MYO10: variants seen among roughly 807,000 people sequenced by gnomAD.
The protein encoded by MYO10 is myosin X.
MYO10 carries 133 observed loss-of-function variants against 257.3 expected under a neutral mutation model. That is an observed-to-expected ratio of 0.52 (90% CI 0.45 to 0.60). The LOEUF is 0.60. MYO10 is among the 20% of genes least tolerant of loss of function. The probability of loss-of-function intolerance (pLI) is 0.00; values close to 1 mark genes in which losing one functional copy is unlikely to be tolerated. For missense variants in MYO10, 2,399 were observed against 2,635.7 expected (o/e 0.91, Z 1.97); for synonymous variants, 1,104 against 1,028.6 (o/e 1.07, Z -1.40).
At chr5:16,735,816 T>C (rs1234388528) in intron 19 of MYO10, among the ~76,000 whole-genome samples, 1 of 152,160 alleles carries the variant, frequency 6.6e-6, no homozygotes, top group Non-Finnish European at 1.5e-5. Context: ...TCATGAACTA[T>C]GATCTGAGGC....
rs1435941725 is a variant in MYO10 at position 16,758,130 on chromosome 5, G to A, written c.1836C>T (p.Ser612=). Residue 612 remains serine, a synonymous_variant, in exon 18 of 41, where the codon AGC becomes AGT. Transcript: ENST00000513610. The part of the protein sequence containing the change: ...CGSKHRRPTV[S]SQFKDSLHSL... The stretch of plus-strand genomic sequence containing the variant: ...AGTGAAAACGAACCTTGAACTGTGA[G>A]CTGACTGTAGGCCGCCGATGTTTGC... 5 of 1,609,266 alleles carry A rather than the reference G, an allele frequency of 3.1e-6. No homozygotes were observed. The Admixed American group carries it at 8.3e-5, about 27-fold the overall frequency.
intron 19 of MYO10, chr5:16,738,386 C>T: frequency 2.0e-6 from 2 of 985,396 alleles, no homozygotes; most frequent in Non-Finnish European, 2.4e-6. Context: ...GTAGCAAGTG[C>T]AGCCTTGATT....
chr5:16,769,215 T>C lies in MYO10; in HGVS notation c.931-12A>G, dbSNP rs116101773. On this transcript the variant is annotated splice_polypyrimidine_tract_variant and intron_variant, in intron 9 of 40. Transcript: ENST00000513610. ...ACGTCCATTGCCGTCTAGAAGAAAA[T>C]AAATGTATTTAATTTTATGTCGTTT... 1.2e-3 allele frequency: 1,904 copies of C among 1,581,156 alleles called. 27 individuals carry two copies. The African/African-American group carries it at 0.023, about 19-fold the overall frequency.
chr5:16,769,108 G>A lies in MYO10; in HGVS notation c.1026C>T (p.Ile342=), dbSNP rs745750225. ...AGGAAACCTGTGCCCCACCAGCAGT[G>A]ATAAATTCTATGTTCCCAAGATGCA... The part of the protein sequence containing the change: ...GILHLGNIEF[I]TAGGAQVSFK... Residue 342 remains isoleucine (I), a synonymous_variant, in exon 10 of 41, where the codon ATC becomes ATT. Transcript: ENST00000513610. 1 of 1,612,000 alleles carries A rather than the reference G, an allele frequency of 6.2e-7. No homozygotes were observed. Among genetic ancestry groups the A allele is most frequent in the Non-Finnish European group, 8.5e-7 (1 of 1,179,216 alleles).
intron 14 of MYO10, 63 bp from the exon 15 acceptor site, chr5:16,762,700 A>G: frequency 8.0e-7 from 1 of 1,251,154 alleles, no homozygotes; most frequent in Non-Finnish European, 1.1e-6. Context: ...TGGGTAGCTC[A>G]TGCCTGTAAT....
At chr5:16,811,911 A>G (rs553900322) in intron 3 of MYO10, among the ~76,000 whole-genome samples, 1 of 152,124 alleles carries the variant, frequency 6.6e-6, no homozygotes, top group Non-Finnish European at 1.5e-5. Context: ...CCACCTCCAT[A>G]GGGCTTCCTG....
chr5:16,824,674 T>C (rs28463270), intron 2 of MYO10, among the ~76,000 whole-genome samples: 7,972 of 152,088 alleles, frequency 0.052, 556 homozygotes, highest in African/African-American at 0.16. Context: ...TGAGACCAAC[T>C]TGGCCAACAT....
rs373508337 is a variant in MYO10 at position 16,693,704 on chromosome 5, G to A, written c.3800+667C>T. 3.6e-4 allele frequency among the ~76,000 whole-genome samples: 55 copies of A among 152,234 alleles called. No individual in the cohort carries two copies. The South Asian group carries it at 8.3e-3, about 23-fold the overall frequency. On this transcript the variant is annotated intron_variant, in intron 27 of 40. Coordinates refer to ENST00000513610, the MANE Select transcript of MYO10 (RefSeq NM_012334.3). ...ACGGCTACAGGTTATCCCCAAACATGTTTTCAGGCTTAGTATCTAGTTACC... is the reference window on the plus strand; with the variant it reads ...ACGGCTACAGGTTATCCCCAAACATATTTTCAGGCTTAGTATCTAGTTACC...
chr5:16,840,576 CTT>C (rs1743448548), intron 2 of MYO10, among the ~76,000 whole-genome samples: 1 of 152,116 alleles, frequency 6.6e-6, no homozygotes, highest in South Asian at 2.1e-4. Context: ...ACTTATGACT[CTT>C]ATGACTACCA....
At chr5:16,733,113 G>A (rs1442507141) in intron 19 of MYO10, among the ~76,000 whole-genome samples, 2 of 152,154 alleles carry the variant, frequency 1.3e-5, no homozygotes, top group Non-Finnish European at 2.9e-5. Context: ...CAGCCTGGGT[G>A]ACAGAGCAAG....
At chr5:16,668,147 A>T in intron 40 of MYO10, 130 bp downstream of exon 40, 2 of 942,428 alleles carry the variant, frequency 2.1e-6, no homozygotes, top group Non-Finnish European at 3.1e-6. Context: ...GGACCACCAC[A>T]CTGTATTTTC....
At chr5:16,882,488 T>C (rs1208992776) in intron 1 of MYO10, among the ~76,000 whole-genome samples, 1 of 150,466 alleles carries the variant, frequency 6.6e-6, no homozygotes, top group Non-Finnish European at 1.5e-5. Context: ...CCAGCAAAAA[T>C]ACTGGAAACA....
At chr5:16,768,922 C>T (rs950426595) in intron 10 of MYO10, among the ~76,000 whole-genome samples, 152 bp downstream of exon 10, 2 of 151,930 alleles carry the variant, frequency 1.3e-5, no homozygotes, top group Non-Finnish European at 1.5e-5. Context: ...GCAATCTGCC[C>T]GCCTCCACCT....
At chr5:16,709,659 T>C (rs1157135090) in intron 21 of MYO10, among the ~76,000 whole-genome samples, 1 of 152,090 alleles carries the variant, frequency 6.6e-6, no homozygotes, top group Non-Finnish European at 1.5e-5. Flanking sequence ...AGCCCCAAGA[T>C]ACAGGGACTG....
rs570547279 is a variant in MYO10, at chr5:16,784,081, A to T, written c.468-612T>A. On this transcript the variant is annotated intron_variant, in intron 4 of 40. Transcript: ENST00000513610. ...CAAGGTCACGTGTTAGTGATAGTTA[A>T]GGACAAGTGAACAAAAAATCCAGAG... 2.0e-5 allele frequency among the ~76,000 whole-genome samples: 3 copies of T among 152,360 alleles called. No homozygotes were observed. In the East Asian group the frequency reaches 5.8e-4, roughly 29 times the overall value.
At chr5:16,911,112 G>T (rs780024615) in intron 1 of MYO10, among the ~76,000 whole-genome samples, 20 of 152,102 alleles carry the variant, frequency 1.3e-4, no homozygotes, top group Non-Finnish European at 1.8e-4. Flanking sequence ...AGACCAGCCT[G>T]GGCAACATGG....
chr5:16,755,904 A>G (rs1740516480), intron 18 of MYO10, among the ~76,000 whole-genome samples: 2 of 152,128 alleles, frequency 1.3e-5, no homozygotes, highest in African/African-American at 2.4e-5. Flanking sequence ...GCAGCATTTC[A>G]GTATGTAGGA....
chr5:16,774,419 AT>A (rs964727146), intron 9 of MYO10, among the ~76,000 whole-genome samples: 50 of 152,118 alleles, frequency 3.3e-4, no homozygotes, highest in African/African-American at 1.1e-3. Context: ...TTATTTATTT[AT>A]TTTTTTAATT....
intron 3 of MYO10, among the ~76,000 whole-genome samples, chr5:16,810,551 T>TG (rs1375306069): frequency 1.3e-5 from 2 of 152,022 alleles, no homozygotes; most frequent in African/African-American, 4.8e-5. Flanking sequence ...CCCAGCACTT[T>TG]GGGAGGTCAA....
Sources: gnomAD v4.1 joint callset for allele counts (sites outside exome capture counted in the v4.1 genomes callset) on GRCh38, gnomAD v4.1.1 for gene constraint, MANE v1.5 for transcripts, NCBI Gene and HGNC (gene_info 2026-07-23, HGNC 2026-07-21) for gene names.